FMN2: variants seen among roughly 807,000 people sequenced by gnomAD.
The protein encoded by FMN2 is formin 2.
Under a neutral mutation model 142.3 loss-of-function variants are expected in FMN2, and 51 were observed. The ratio of observed to expected loss-of-function variants is 0.36; its 90% CI spans 0.29 to 0.45. The LOEUF (loss-of-function observed/expected upper bound fraction) is 0.45, where lower values mean the gene tolerates loss of function less well. FMN2 is among the 20% of genes least tolerant of loss of function. The pLI is 1.00. For synonymous variants in FMN2, 882 were observed against 869.8 expected (o/e 1.01, Z -0.25); for missense variants, 1,936 against 2,122.8 (o/e 0.91, Z 1.73).
At chr1:240,261,865 T>G (rs1478620941) in intron 7 of FMN2, among the ~76,000 whole-genome samples, 1 of 152,130 alleles carries the variant, frequency 6.6e-6, no homozygotes, top group Non-Finnish European at 1.5e-5. Context: ...ATAATACCTC[T>G]GAAAAAATCT....
intron 15 of FMN2, among the ~76,000 whole-genome samples, chr1:240,430,054 G>A (rs902213563): frequency 7.3e-5 from 11 of 151,546 alleles, no homozygotes; most frequent in African/African-American, 9.7e-5. Context: ...CCCTGCTAAC[G>A]TTTTGTGTTT....
intron 4 of FMN2, among the ~76,000 whole-genome samples, chr1:240,200,469 A>T (rs1666083182): frequency 1.3e-5 from 2 of 152,112 alleles, no homozygotes; most frequent in South Asian, 2.1e-4. Flanking sequence ...CCCTTGACTG[A>T]TAGCCCTGGA....
At chr1:240,334,959 AT>A (rs1195502365) in intron 13 of FMN2, among the ~76,000 whole-genome samples, 1 of 152,200 alleles carries the variant, frequency 6.6e-6, no homozygotes, top group African/African-American at 2.4e-5. Flanking sequence ...GTGTTACTAT[AT>A]GAGAAGAAAA....
intron 16 of FMN2, among the ~76,000 whole-genome samples, chr1:240,451,044 G>A (rs1676018918): frequency 6.6e-6 from 1 of 152,130 alleles, no homozygotes; most frequent in African/African-American, 2.4e-5. Context: ...AAGTTGTCTG[G>A]TTTTTTGTAA....
At chr1:240,318,146 G>A (rs992291266) in intron 8 of FMN2, among the ~76,000 whole-genome samples, 1 of 152,176 alleles carries the variant, frequency 6.6e-6, no homozygotes, top group Non-Finnish European at 1.5e-5. Flanking sequence ...CTGGGTGGAA[G>A]TTTGGCTGCC....
At chr1:240,393,052 T>C (rs1673659457) in intron 15 of FMN2, among the ~76,000 whole-genome samples, 1 of 152,184 alleles carries the variant, frequency 6.6e-6, no homozygotes, top group African/African-American at 2.4e-5. Flanking sequence ...CGCATCTCTC[T>C]ATATACGTCA....
chr1:240,301,960 G>T (rs1280432557), intron 8 of FMN2, among the ~76,000 whole-genome samples: 2 of 151,770 alleles, frequency 1.3e-5, no homozygotes, highest in African/African-American at 4.8e-5. Flanking sequence ...TTTGTACTCT[G>T]TTCTCCCAGT....
At chr1:240,127,462 T>C (rs1200481960) in intron 2 of FMN2, among the ~76,000 whole-genome samples, 1 of 151,602 alleles carries the variant, frequency 6.6e-6, no homozygotes, top group East Asian at 1.9e-4. Flanking sequence ...CCTGGCCTGG[T>C]CTTGGTTTGC....
Position 240,170,539 on chromosome 1 carries a change from C to T in FMN2, c.1783-7382C>T, listed in dbSNP as rs868797133. ...AGTCACTCAAGGGAAAGGATTAGTG[C>T]CAGATGGTACCAGCAGATTTACTTG... is the stretch of plus-strand genomic sequence containing the variant. On this transcript the variant is annotated intron_variant, in intron 2 of 17. Transcript: ENST00000319653. 1.1e-5 allele frequency: 17 copies of T among 1,554,222 alleles called. No individual in the cohort carries two copies. In the Middle Eastern group the frequency reaches 8.4e-4, roughly 77 times the overall value.
chr1:240,326,210 A>G (rs959097250), intron 8 of FMN2, among the ~76,000 whole-genome samples: 2 of 152,174 alleles, frequency 1.3e-5, no homozygotes. Flanking sequence ...AAGAGAAACT[A>G]TGTACCCATA....
intron 15 of FMN2, 152 bp from the exon 16 acceptor site, chr1:240,437,909 A>G (rs953249676): frequency 1.2e-5 from 11 of 912,888 alleles, no homozygotes; most frequent in South Asian, 1.8e-5. Context: ...ACCTTAAACC[A>G]TAAGAGAGCT....
chr1:240,122,549 C>T (rs1558306236), intron 1 of FMN2, among the ~76,000 whole-genome samples: 1 of 152,126 alleles, frequency 6.6e-6, no homozygotes, highest in Non-Finnish European at 1.5e-5. Flanking sequence ...TCCCAAAGTG[C>T]TGGGATTACA....
chr1:240,228,332 AGAAAAAGAAAAAG>A (rs1667410095), intron 6 of FMN2, among the ~76,000 whole-genome samples: 1 of 67,140 alleles, frequency 1.5e-5, no homozygotes, highest in African/African-American at 8.4e-5. Flanking sequence ...AAAAAAAAAA[AGAAAAAGAAAAAG>A]AAAAAGAAAG....
rs1660983693 is a variant in FMN2, at chr1:240,091,947, T to C, written c.-163T>C. ...GCGCATTATGCAAAGCGGCGGCAGA[T>C]GCGAGCGGGGCCAGCCGGGCGCGCG... On this transcript the variant is annotated 5_prime_UTR_variant, in exon 1 of 18. An upstream start codon of the reference 5' UTR is lost. Coordinates refer to ENST00000319653, the MANE Select transcript of FMN2 (RefSeq NM_020066.5). 1 of 1,220,432 alleles carries C rather than the reference T, an allele frequency of 8.2e-7. No individual in the cohort carries two copies. The highest frequency in any genetic ancestry group is 3.1e-5 in the East Asian group (1 of 31,880). 75.6% of individuals were successfully genotyped at this position (1,220,432 alleles called of 1,614,324 possible).
intron 7 of FMN2, among the ~76,000 whole-genome samples, chr1:240,263,938 T>TA (rs1367562959): frequency 1.3e-5 from 2 of 152,194 alleles, no homozygotes; most frequent in African/African-American, 4.8e-5. Context: ...CTATCCTGTT[T>TA]AAACATGATT....
intron 3 of FMN2, among the ~76,000 whole-genome samples, chr1:240,180,569 T>C (rs1665107687): frequency 6.8e-6 from 1 of 146,042 alleles, no homozygotes; most frequent in South Asian, 2.3e-4. Context: ...ATGACCCCTT[T>C]TTTTTTTTTT....
chr1:240,247,502 C>CA (rs113817304), intron 6 of FMN2, among the ~76,000 whole-genome samples: 1,844 of 107,876 alleles, frequency 0.017, 41 homozygotes, highest in African/African-American at 0.051. Flanking sequence ...AACTCCATTT[C>CA]AAAAAAAAAA....
chr1:240,135,607 A>G (rs751724949), intron 2 of FMN2, among the ~76,000 whole-genome samples: 2 of 152,040 alleles, frequency 1.3e-5, no homozygotes, highest in Non-Finnish European at 1.5e-5. Flanking sequence ...TGTGAAGTAG[A>G]AGGCTTTCAA....
chr1:240,142,179 A>C (rs1053332333), intron 2 of FMN2, among the ~76,000 whole-genome samples: 1 of 152,074 alleles, frequency 6.6e-6, no homozygotes, highest in African/African-American at 2.4e-5. Context: ...CATTGTCATC[A>C]GTGTTTTCTG....
Sources: allele counts gnomAD v4.1 joint callset (sites outside exome capture counted in the v4.1 genomes callset), GRCh38; gene constraint gnomAD v4.1.1; transcripts MANE v1.5; gene names NCBI Gene and HGNC (gene_info 2026-07-23, HGNC 2026-07-21).